NCAM1: variants seen among roughly 807,000 people sequenced by gnomAD.
NCAM1 encodes the protein antigen recognized by monoclonal antibody 5.1H11.
In NCAM1, 14 loss-of-function variants were observed where a neutral mutation model predicts 109.8. That is an observed-to-expected ratio of 0.13 (90% CI 0.08 to 0.20). The LOEUF (loss-of-function observed/expected upper bound fraction) is 0.20, where lower values mean the gene tolerates loss of function less well. Among genes scored for constraint, NCAM1 ranks in the 10% least tolerant of loss-of-function variants. The pLI, the probability that NCAM1 is intolerant of heterozygous loss-of-function variation, is 1.00. For synonymous variants in NCAM1, 418 were observed against 442.9 expected (o/e 0.94, Z 0.70); for missense variants, 774 against 1,109.9 (o/e 0.70, Z 4.30).
chr11:113,149,199 G>T (rs577180334), intron 1 of NCAM1, among the ~76,000 whole-genome samples: 3 of 152,258 alleles, frequency 2.0e-5, no homozygotes, highest in African/African-American at 7.2e-5. Flanking sequence ...CAGCTGGGGG[G>T]GCCTTCCTCC....
At chr11:113,133,710 A>G (rs1941495150) in intron 1 of NCAM1, 1 of 152,246 alleles carries the variant, frequency 6.6e-6, no homozygotes, top group African/African-American at 2.4e-5. Context: ...TTTTGTCAGC[A>G]GCTCACAAAC....
intron 1 of NCAM1, among the ~76,000 whole-genome samples, chr11:113,068,031 C>T (rs1337466514): frequency 6.6e-6 from 1 of 151,982 alleles, no homozygotes; most frequent in Non-Finnish European, 1.5e-5. Context: ...CTGCCTCAGC[C>T]TCCCGAGTAG....
chr11:113,262,749 C>T, intron 17 of NCAM1: 1 of 1,366,988 alleles, frequency 7.3e-7, no homozygotes, highest in South Asian at 1.4e-5. Flanking sequence ...TCTGTCGTCA[C>T]ACTTGTCACC....
intron 13 of NCAM1, 40 bp from the exon 14 acceptor site, chr11:113,234,993 A>G (rs1591444147): frequency 2.6e-6 from 4 of 1,524,224 alleles, no homozygotes; most frequent in Non-Finnish European, 3.5e-6. Context: ...GCACCATTTT[A>G]ACAATAGACT....
In NCAM1 at chr11:113,208,019, C is replaced by T; in HGVS notation, c.916+17C>T. ...AAGTCTTTGGTAGGGGCAGTGGGGG[C>T]CCAGGTCACTGCTCTGCCACAATTC... is the stretch of plus-strand genomic sequence containing the variant. On this transcript the variant is annotated intron_variant, in intron 7 of 19. Transcript: ENST00000316851. The T allele has an allele frequency of 1.3e-6, 2 of 1,596,834 alleles. No homozygotes were observed. Among genetic ancestry groups the T allele is most frequent in the South Asian group, 2.3e-5 (2 of 88,146 alleles).
chr11:112,990,837 A>G (rs1293401203), intron 1 of NCAM1, among the ~76,000 whole-genome samples: 2 of 152,208 alleles, frequency 1.3e-5, no homozygotes, highest in Admixed American at 1.3e-4. Flanking sequence ...CTGTCCTATC[A>G]AAAGGTTCTC....
At chr11:113,122,700 C>T (rs1941018609) in intron 1 of NCAM1, among the ~76,000 whole-genome samples, 1 of 152,124 alleles carries the variant, frequency 6.6e-6, no homozygotes. Context: ...AAGGGAATTG[C>T]TTGGACCCAG....
intron 1 of NCAM1, among the ~76,000 whole-genome samples, chr11:112,964,484 A>G (rs1434093174): frequency 6.6e-6 from 1 of 152,216 alleles, no homozygotes; most frequent in Non-Finnish European, 1.5e-5. Flanking sequence ...GCAAGAGTCA[A>G]GGAATGGATA....
chr11:113,084,625 C>T (rs558111163), intron 1 of NCAM1, among the ~76,000 whole-genome samples: 2 of 152,168 alleles, frequency 1.3e-5, no homozygotes, highest in Non-Finnish European at 2.9e-5. Context: ...ATTAGAGAGT[C>T]AGGTCCTCTG....
intron 1 of NCAM1, among the ~76,000 whole-genome samples, chr11:113,011,260 A>G (rs1205382659): frequency 3.4e-4 from 49 of 145,548 alleles, no homozygotes; most frequent in Admixed American, 1.8e-3. Flanking sequence ...ATGATTTCCA[A>G]TTTCATCCAT....
At chr11:113,123,732 T>A (rs1178668979) in intron 1 of NCAM1, among the ~76,000 whole-genome samples, 1 of 152,204 alleles carries the variant, frequency 6.6e-6, no homozygotes, top group African/African-American at 2.4e-5. Context: ...AGATACAATG[T>A]CAACCCGGCT....
At chr11:113,128,344 G>T (rs1307458033) in intron 1 of NCAM1, among the ~76,000 whole-genome samples, 5 of 152,080 alleles carry the variant, frequency 3.3e-5, no homozygotes, top group African/African-American at 1.2e-4. Context: ...ATGTGAAAGG[G>T]GAATAAAAGT....
At chr11:113,245,519 T>C (rs1399364716) in intron 14 of NCAM1, among the ~76,000 whole-genome samples, 1 of 152,200 alleles carries the variant, frequency 6.6e-6, no homozygotes, top group Non-Finnish European at 1.5e-5. Context: ...AAAGGTACAG[T>C]TTCTGCTGTT....
chr11:113,021,459 C>T (rs1555076277), intron 1 of NCAM1, among the ~76,000 whole-genome samples: 1 of 152,164 alleles, frequency 6.6e-6, no homozygotes, highest in Non-Finnish European at 1.5e-5. Context: ...GGGTTTAAGT[C>T]ATATAGTAGT....
intron 1 of NCAM1, among the ~76,000 whole-genome samples, chr11:113,082,174 C>G (rs897704924): frequency 7.9e-5 from 12 of 152,116 alleles, no homozygotes; most frequent in Admixed American, 5.9e-4. Context: ...GTTGGTACTT[C>G]AGCTCGACAA....
At chr11:113,154,611 C>T (rs1591371689) in intron 1 of NCAM1, among the ~76,000 whole-genome samples, 3 of 152,180 alleles carry the variant, frequency 2.0e-5, no homozygotes, top group Admixed American at 6.5e-5. Flanking sequence ...TATTCATATC[C>T]GTGTACTAGT....
At chr11:113,159,478 CTG>C (rs1942526203) in intron 1 of NCAM1, among the ~76,000 whole-genome samples, 1 of 152,108 alleles carries the variant, frequency 6.6e-6, no homozygotes, top group Non-Finnish European at 1.5e-5. Flanking sequence ...AACTGCCACT[CTG>C]AGAATCCACT....
intron 1 of NCAM1, among the ~76,000 whole-genome samples, chr11:113,113,464 G>T (rs1393830456): frequency 6.6e-6 from 1 of 152,078 alleles, no homozygotes; most frequent in African/African-American, 2.4e-5. Flanking sequence ...TTTCCTGTTT[G>T]CTATGATCCT....
At chr11:113,066,352 G>A (rs1937955796) in intron 1 of NCAM1, among the ~76,000 whole-genome samples, 1 of 152,114 alleles carries the variant, frequency 6.6e-6, no homozygotes, top group Non-Finnish European at 1.5e-5. Context: ...TTTTAAATTA[G>A]CATTTGGTCT....
Sources: gnomAD v4.1 joint callset for allele counts (sites outside exome capture counted in the v4.1 genomes callset) on GRCh38, gnomAD v4.1.1 for gene constraint, MANE v1.5 for transcripts, NCBI Gene and HGNC (gene_info 2026-07-23, HGNC 2026-07-21) for gene names.